The following SHROOM4 variants were observed in gnomAD, a reference collection of about 807,000 sequenced individuals.
The protein encoded by SHROOM4 is protein Shroom4.
In SHROOM4, 17 loss-of-function variants were observed where a neutral mutation model predicts 80.3. That is an observed-to-expected ratio of 0.21 (90% confidence interval 0.14 to 0.32). SHROOM4 has a LOEUF of 0.32. SHROOM4 is among the 10% of genes least tolerant of loss of function. The pLI is 1.00. For synonymous variants in SHROOM4, 400 were observed against 437.5 expected (o/e 0.91, Z 1.07); for missense variants, 993 against 1,140.3 (o/e 0.87, Z 1.86).
rs1002922794 is a variant in SHROOM4 at position 50,588,356 on chromosome X, C to T, written c.*8339G>A. On this transcript the variant is annotated 3_prime_UTR_variant, in exon 9 of 9. Coordinates refer to ENST00000376020, the MANE Select transcript of SHROOM4 (RefSeq NM_020717.5). ...AGACCTCATTTGATTCCTACTTTAGCTTTATAATAAAAGTTAACATTCATT... is the reference window on the plus strand; with the variant it reads ...AGACCTCATTTGATTCCTACTTTAGTTTTATAATAAAAGTTAACATTCATT... Among the ~76,000 whole-genome samples, 3 of 112,097 alleles carry T rather than the reference C, an allele frequency of 2.7e-5. No homozygotes were observed. Among genetic ancestry groups the T allele is most frequent in the African/African-American group, 9.7e-5 (3 of 30,838 alleles).
At chrX:50,802,243 C>T (rs1471536843) in intron 1 of SHROOM4, among the ~76,000 whole-genome samples, 6 of 112,024 alleles carry the variant, frequency 5.4e-5, no homozygotes, top group South Asian at 3.8e-4. Context: ...GCAATTAACT[C>T]GTTTCCACAA....
intron 1 of SHROOM4, among the ~76,000 whole-genome samples, chrX:50,745,571 T>C (rs1934756498): frequency 8.9e-6 from 1 of 111,919 alleles, no homozygotes; most frequent in Non-Finnish European, 1.9e-5. Flanking sequence ...GAGTGGGAAC[T>C]GAGCACGGAA....
intron 5 of SHROOM4, among the ~76,000 whole-genome samples, chrX:50,616,688 T>C (rs1930251587): frequency 9.0e-6 from 1 of 111,476 alleles, no homozygotes; most frequent in Non-Finnish European, 1.9e-5. Flanking sequence ...CATACCTCTG[T>C]GGTGGGATCC....
At chrX:50,579,413 T>C in the SHROOM4 span, among the ~76,000 whole-genome samples, 75 of 112,044 alleles carry the variant, frequency 6.7e-4, no homozygotes, top group African/African-American at 2.3e-3. Context: ...ATGGATACCA[T>C]TACCAGAGCT....
At chrX:50,775,414 G>A (rs1435244075) in intron 1 of SHROOM4, among the ~76,000 whole-genome samples, 2 of 111,407 alleles carry the variant, frequency 1.8e-5, no homozygotes, top group African/African-American at 3.3e-5. Flanking sequence ...ACTCAGGAGC[G>A]AAGAATCCTA....
Position 50,635,583 on chromosome X carries a change from G to T in SHROOM4, c.490C>A (p.Gln164Lys). The change falls in exon 4 of 9, where the codon CAA becomes AAA. Residue 164 changes from glutamine to lysine, a missense_variant. Coordinates refer to ENST00000376020, the MANE Select transcript of SHROOM4 (RefSeq NM_020717.5). ...CTCTCATAGGTGGCTTGGCCTGGTT[G>T]CTCCAGGCTCTCCATGCTGCCAATG... ...SSIGSMESLE[Q>K]PGQATYESHL... The T allele has an allele frequency of 8.3e-7, 1 of 1,210,222 alleles. No homozygotes were observed. Among genetic ancestry groups the T allele is most frequent in the Non-Finnish European group, 1.1e-6 (1 of 895,016 alleles).
Position 50,633,937 on chromosome X carries a change from A to G in SHROOM4, c.2136T>C (p.Pro712=), listed in dbSNP as rs782525815. Residue 712 remains proline (P), a synonymous_variant, in exon 4 of 9, where the codon CCT becomes CCC. Transcript: ENST00000376020. ...WKAPDPSSSD[P]EKAHAHCGVR... ...CTCCACAGTGAGCATGTGCTTTCTC[A>G]GGGTCTGAGGAGGATGGGTCAGGTG... 5.0e-6 allele frequency: 6 copies of G among 1,209,912 alleles called. No individual in the cohort carries two copies. Among genetic ancestry groups the G allele is most frequent in the Non-Finnish European group, 6.7e-6 (6 of 895,182 alleles).
chrX:50,652,060 T>C (rs1191620893), intron 2 of SHROOM4, among the ~76,000 whole-genome samples: 6 of 112,111 alleles, frequency 5.4e-5, no homozygotes, highest in Non-Finnish European at 1.1e-4. Context: ...CATGTGTCTT[T>C]ACAGTAGAGT....
intron 5 of SHROOM4, among the ~76,000 whole-genome samples, chrX:50,610,977 T>C (rs1440483360): frequency 1.8e-5 from 2 of 109,982 alleles, no homozygotes; most frequent in Non-Finnish European, 3.8e-5. Flanking sequence ...AATGAGAAAA[T>C]CTAAATTTCT....
Position 50,627,362 on chromosome X carries a change from C to T in SHROOM4, c.2957+252G>A, listed in dbSNP as rs782282388. ...CTATGACCAAGGTATGGTGTCCTCT[C>T]TCAAGGATCTCAGTCTAATACAGGA... On this transcript the variant is annotated intron_variant, in intron 5 of 8. Coordinates refer to ENST00000376020, the MANE Select transcript of SHROOM4 (RefSeq NM_020717.5). Among the ~76,000 whole-genome samples the T allele has an allele frequency of 8.0e-4, 89 of 111,489 alleles. No homozygotes were observed. In the Middle Eastern group the frequency reaches 0.023, roughly 29 times the overall value.
chrX:50,753,135 C>T (rs1411008563), intron 1 of SHROOM4, among the ~76,000 whole-genome samples: 3 of 111,856 alleles, frequency 2.7e-5, no homozygotes, highest in Non-Finnish European at 5.6e-5. Context: ...ACTTGAGTGG[C>T]ATGTGCTTCT....
chrX:50,742,082 C>T (rs1432181907), intron 1 of SHROOM4, among the ~76,000 whole-genome samples: 1 of 110,767 alleles, frequency 9.0e-6, no homozygotes. Flanking sequence ...TTTGCCACTT[C>T]TAATATTCTT....
intron 1 of SHROOM4, among the ~76,000 whole-genome samples, chrX:50,782,338 T>C (rs1557270735): frequency 1.8e-5 from 2 of 111,690 alleles, no homozygotes; most frequent in African/African-American, 6.5e-5. Context: ...AATTAGCTGA[T>C]GAGAGACACT....
chrX:50,665,882 G>A (rs561389883), intron 2 of SHROOM4, among the ~76,000 whole-genome samples: 1 of 111,520 alleles, frequency 9.0e-6, no homozygotes, highest in East Asian at 2.8e-4. Flanking sequence ...AAGTTAGGTG[G>A]GAAGGCATCA....
At chrX:50,637,377 T>C (rs1557256311) in intron 3 of SHROOM4, among the ~76,000 whole-genome samples, 1 of 112,032 alleles carries the variant, frequency 8.9e-6, no homozygotes, top group African/African-American at 3.2e-5. Context: ...CAATTTCTTA[T>C]TGGCAAGGGA....
chrX:50,767,147 C>T (rs781913436), intron 1 of SHROOM4, among the ~76,000 whole-genome samples: 1 of 111,733 alleles, frequency 8.9e-6, no homozygotes, highest in Non-Finnish European at 1.9e-5. Context: ...CTTTTGGCCT[C>T]GTTATTACAC....
intron 1 of SHROOM4, among the ~76,000 whole-genome samples, chrX:50,724,357 T>G (rs1240623406): frequency 1.8e-5 from 2 of 113,040 alleles, no homozygotes; most frequent in Admixed American, 1.9e-4. Flanking sequence ...ATATTTCTAA[T>G]GTACAGAACT....
At position 50,591,699 on chromosome X, in the gene SHROOM4, TTTCTTTC is replaced by T. The variant is rs782612961; in HGVS notation, c.*4989_*4995del. 6.5e-4 allele frequency: 23 copies of T among 35,271 alleles called. No individual in the cohort carries two copies. Among genetic ancestry groups the T allele is most frequent in the Non-Finnish European group, 1.0e-3 (17 of 16,252 alleles). The allele number at this position is 35,271 out of a possible 1,213,427, so 2.9% of individuals were successfully genotyped here. The stretch of plus-strand genomic sequence containing the variant: ...TTTCTTTCTTTCTTTCTTTCTTTTC[TTTCTTTC>T]TTTCTTTCTTTCTTTCTTTCTTTCT... On this transcript the variant is annotated 3_prime_UTR_variant, in exon 9 of 9. Coordinates refer to ENST00000376020, the MANE Select transcript of SHROOM4 (RefSeq NM_020717.5).
intron 2 of SHROOM4, among the ~76,000 whole-genome samples, chrX:50,660,458 C>T (rs782813950): frequency 1.1e-4 from 12 of 110,083 alleles, no homozygotes; most frequent in Admixed American, 1.1e-3. Flanking sequence ...GTGAAAGTTA[C>T]ATCTTATTGC....
Sources: allele counts gnomAD v4.1 joint callset (sites outside exome capture counted in the v4.1 genomes callset), GRCh38; gene constraint gnomAD v4.1.1; transcripts MANE v1.5; gene names NCBI Gene and HGNC (gene_info 2026-07-23, HGNC 2026-07-21).